SCFD1: variants seen among roughly 807,000 people sequenced by gnomAD.
SCFD1 encodes sec1 family domain-containing protein 1.
Under a neutral mutation model 103.2 loss-of-function variants are expected in SCFD1, and 37 were observed. That is an observed-to-expected ratio of 0.36 (90% CI 0.28 to 0.47). SCFD1 has a LOEUF of 0.47. Among genes scored for constraint, SCFD1 ranks in the 20% least tolerant of loss-of-function variants. The probability of loss-of-function intolerance (pLI) is 1.00; values close to 1 mark genes in which losing one functional copy is unlikely to be tolerated. For missense variants in SCFD1, 639 were observed against 761.2 expected (o/e 0.84, Z 1.89); for synonymous variants, 264 against 245.0 (o/e 1.08, Z -0.73).
intron 19 of SCFD1, among the ~76,000 whole-genome samples, chr14:30,709,032 A>T (rs1005582114): frequency 7.2e-5 from 11 of 152,268 alleles, no homozygotes; most frequent in Middle Eastern, 3.4e-3. Flanking sequence ...TGTTTCATCT[A>T]TCCCATTTGT....
At chr14:30,626,369 A>G (rs1883452093) in intron 1 of SCFD1, among the ~76,000 whole-genome samples, 1 of 152,140 alleles carries the variant, frequency 6.6e-6, no homozygotes, top group Non-Finnish European at 1.5e-5. Flanking sequence ...CCTGTATTGC[A>G]GACACACCTG....
rs1892254128 is a variant in SCFD1 at position 30,715,993 on chromosome 14, C to A, written c.1683+16C>A. On this transcript the variant is annotated intron_variant, in intron 20 of 24. Transcript: ENST00000458591. ...GTCAAACCCCGTGAGTACCATATAA[C>A]ATATTTTGTGTAAATTCCCGAATGT... 1 of 1,458,332 alleles carries A rather than the reference C, an allele frequency of 6.9e-7. No homozygotes were observed. Among genetic ancestry groups the A allele is most frequent in the Non-Finnish European group, 9.5e-7 (1 of 1,051,478 alleles). The allele number at this position is 1,458,332 out of a possible 1,614,324, so 90.3% of individuals were successfully genotyped here.
At chr14:30,733,560 T>C (rs1410272066) in intron 23 of SCFD1, among the ~76,000 whole-genome samples, 1 of 152,204 alleles carries the variant, frequency 6.6e-6, no homozygotes, top group Non-Finnish European at 1.5e-5. Flanking sequence ...CCTGTGCTTA[T>C]CTCCAAGAAT....
chr14:30,730,689 A>C lies in SCFD1; in HGVS notation c.1837-4101A>C, dbSNP rs996718712. Among the ~76,000 whole-genome samples the C allele has an allele frequency of 3.0e-4, 46 of 152,132 alleles. 1 individual carries two copies. Among genetic ancestry groups the C allele is most frequent in the Admixed American group, 3.0e-3 (46 of 15,280 alleles). ...AAGTATCTGTTCATATCCTTCGCCC[A>C]CTTTTTGATGGGGTTGCTTTTTTCT... On this transcript the variant is annotated intron_variant, in intron 23 of 24. Transcript: ENST00000458591.
At chr14:30,723,440 A>C (rs1215595828) in intron 23 of SCFD1, among the ~76,000 whole-genome samples, 1 of 152,180 alleles carries the variant, frequency 6.6e-6, no homozygotes, top group Non-Finnish European at 1.5e-5. Context: ...GTACAAGTGC[A>C]GTTTTGCTAC....
At chr14:30,642,473 C>T (rs938893795) in intron 6 of SCFD1, among the ~76,000 whole-genome samples, 2 of 152,282 alleles carry the variant, frequency 1.3e-5, no homozygotes, top group Non-Finnish European at 1.5e-5. Flanking sequence ...TTTTTAAAAA[C>T]GTCCAGAGAA....
At chr14:30,728,061 ATCAG>A (rs1405753787) in intron 23 of SCFD1, among the ~76,000 whole-genome samples, 14 of 152,168 alleles carry the variant, frequency 9.2e-5, no homozygotes, top group Non-Finnish European at 1.9e-4. Context: ...GTTCTACATG[ATCAG>A]TCAGAGAAAA....
chr14:30,666,157 A>G (rs1887945179), intron 10 of SCFD1, among the ~76,000 whole-genome samples: 1 of 152,220 alleles, frequency 6.6e-6, no homozygotes, highest in Non-Finnish European at 1.5e-5. Context: ...AGTTGGTAGT[A>G]AAGCACTCCT....
chr14:30,693,246 A>T (rs1340441792), intron 14 of SCFD1, among the ~76,000 whole-genome samples: 6 of 152,188 alleles, frequency 3.9e-5, no homozygotes, highest in Non-Finnish European at 2.9e-5. Context: ...AAGGAGGCGG[A>T]TATTAGAATA....
intron 6 of SCFD1, among the ~76,000 whole-genome samples, chr14:30,643,017 T>C (rs975616945): frequency 6.6e-6 from 1 of 151,784 alleles, no homozygotes; most frequent in African/African-American, 2.4e-5. Flanking sequence ...CAAAAAAAAT[T>C]GTTTAATTAG....
At chr14:30,635,299 A>G (rs1884611999) in intron 4 of SCFD1, among the ~76,000 whole-genome samples, 1 of 152,210 alleles carries the variant, frequency 6.6e-6, no homozygotes, top group Non-Finnish European at 1.5e-5. Flanking sequence ...TTTAAGGAGC[A>G]CAAGTGTATG....
rs1883990098 is a variant in SCFD1, at chr14:30,630,460, A to G, written c.133-17A>G. 2 of 1,441,376 alleles carry G rather than the reference A, an allele frequency of 1.4e-6. No individual in the cohort carries two copies. Among genetic ancestry groups the G allele is most frequent in the Non-Finnish European group, 2.0e-6 (2 of 1,024,730 alleles). The allele number at this position is 1,441,376 out of a possible 1,614,324, so 89.3% of individuals were successfully genotyped here. A position where few individuals can be genotyped will look rare whatever the true frequency, so the allele number is the denominator to read the frequency against. On this transcript the variant is annotated splice_polypyrimidine_tract_variant and intron_variant, in intron 2 of 24. Transcript: ENST00000458591. ...GGTTGTTCACTGATAATGATGACAC[A>G]TGGTTTTTTTTAATAGGTACTCATT...
chr14:30,626,164 TATTTA>T (rs1883418997), intron 1 of SCFD1, among the ~76,000 whole-genome samples: 1 of 151,472 alleles, frequency 6.6e-6, no homozygotes, highest in African/African-American at 2.4e-5. Flanking sequence ...ATATTAAATA[TATTTA>T]ATATTATAAA....
At chr14:30,670,789 T>C (rs534636285) in intron 11 of SCFD1, among the ~76,000 whole-genome samples, 10 of 152,218 alleles carry the variant, frequency 6.6e-5, no homozygotes, top group African/African-American at 2.4e-4. Context: ...TAGATACTTG[T>C]GGAGAGAGTA....
chr14:30,681,055 C>T (rs1889428617), intron 14 of SCFD1, among the ~76,000 whole-genome samples: 1 of 152,052 alleles, frequency 6.6e-6, no homozygotes, highest in African/African-American at 2.4e-5. Context: ...GGCAAAACCT[C>T]ATCTCTACTA....
chr14:30,707,907 G>A, intron 18 of SCFD1, 83 bp from the exon 19 acceptor site: 2 of 918,146 alleles, frequency 2.2e-6, no homozygotes, highest in Admixed American at 1.7e-5. Flanking sequence ...CATGTGGTGT[G>A]TAATCAGGTA....
chr14:30,653,525 CAT>C lies in SCFD1; in HGVS notation c.794_795del (p.Ile265ArgfsTer28). ...CCTTATTAGTCCTTGTTGACAGAAA[CAT>C]AGATTTGGCAACTCCTTTACATCAT... ...RPLLVLVDRN[I>X]DLATPLHHTW... is the part of the protein sequence containing the mutation. On this transcript the variant is annotated frameshift_variant, in exon 10 of 25. Coordinates refer to ENST00000458591, the MANE Select transcript of SCFD1 (RefSeq NM_016106.4). LOFTEE classifies it high-confidence loss of function. The C allele has an allele frequency of 6.2e-7, 1 of 1,613,580 alleles. No individual in the cohort carries two copies. Among genetic ancestry groups the C allele is most frequent in the Non-Finnish European group, 8.5e-7 (1 of 1,179,676 alleles).
At chr14:30,635,232 A>G (rs1884605651) in intron 4 of SCFD1, among the ~76,000 whole-genome samples, 1 of 152,190 alleles carries the variant, frequency 6.6e-6, no homozygotes, top group Non-Finnish European at 1.5e-5. Flanking sequence ...TTCTTCTTTC[A>G]TTATTTAAAT....
At chr14:30,630,425 G>T in intron 2 of SCFD1, 52 bp from the exon 3 acceptor site, 1 of 986,008 alleles carries the variant, frequency 1.0e-6, no homozygotes, top group Non-Finnish European at 1.6e-6. Context: ...CTTAATATAG[G>T]TTCACTATTG....
Sources: allele counts gnomAD v4.1 joint callset (sites outside exome capture counted in the v4.1 genomes callset), GRCh38; gene constraint gnomAD v4.1.1; transcripts MANE v1.5; gene names NCBI Gene and HGNC (gene_info 2026-07-23, HGNC 2026-07-21).